TRIM35: variants seen among roughly 807,000 people sequenced by gnomAD.
TRIM35 encodes E3 ubiquitin-protein ligase TRIM35.
A neutral mutation model predicts 49.1 loss-of-function variants in TRIM35; 37 were observed. The observed-to-expected ratio is 0.75, with a 90% CI of 0.58 to 0.99. The LOEUF (loss-of-function observed/expected upper bound fraction) is 0.99. Among genes scored for constraint, TRIM35 ranks in the 50% least tolerant of loss-of-function variants. TRIM35 has a pLI of 0.00. For synonymous variants in TRIM35, 302 were observed against 289.3 expected (o/e 1.04, Z -0.45); for missense variants, 648 against 702.7 (o/e 0.92, Z 0.88).
At chr8:27,294,392 G>T (rs1052069461) in intron 2 of TRIM35, 82 bp from the exon 3 acceptor site, 2 of 1,306,312 alleles carry the variant, frequency 1.5e-6, no homozygotes, top group East Asian at 2.5e-5. Context: ...TTTTAGCAAA[G>T]GAAATTTATG....
chr8:27,310,387 C>T (rs78364579), intron 1 of TRIM35, among the ~76,000 whole-genome samples: 1 of 152,206 alleles, frequency 6.6e-6, no homozygotes, highest in Admixed American at 6.5e-5. Flanking sequence ...AGACTCCACA[C>T]CCCTGGCCAG....
intron 1 of TRIM35, among the ~76,000 whole-genome samples, chr8:27,306,329 C>CTTTTTTTTTTTTTTTTTTCT (rs35352785): frequency 7.1e-6 from 1 of 141,762 alleles, no homozygotes; most frequent in African/African-American, 2.6e-5. Context: ...TTTTTTCTTT[C>CTTTTTTTTTTTTTTTTTTCT]TTTTTTTTTT....
Position 27,287,229 on chromosome 8 carries a change from A to T in TRIM35, c.*321T>A. 1 of 299,130 alleles carries T rather than the reference A, an allele frequency of 3.3e-6. No individual in the cohort carries two copies. Among genetic ancestry groups the T allele is most frequent in the Non-Finnish European group, 6.3e-6 (1 of 159,408 alleles). 18.5% of individuals were successfully genotyped at this position (299,130 alleles called of 1,614,324 possible). A position where few individuals can be genotyped will look rare whatever the true frequency, so the allele number is the denominator to read the frequency against. On this transcript the variant is annotated 3_prime_UTR_variant, in exon 6 of 6. Transcript: ENST00000305364. This position sits in a 1 kb window ranked among gnomAD's most constrained non-coding sequence, Gnocchi z 6.0. ...TTACCACACCTCGATGAGATGGTTT[A>T]CAACAGGCCCATTCTAGAAGTAAAC... is the stretch of plus-strand genomic sequence containing the variant.
At chr8:27,295,457 C>A (rs1182782167) in intron 2 of TRIM35, among the ~76,000 whole-genome samples, 1 of 152,086 alleles carries the variant, frequency 6.6e-6, no homozygotes, top group African/African-American at 2.4e-5. Flanking sequence ...GGGTTACATC[C>A]CAATAAACCC....
intron 1 of TRIM35, among the ~76,000 whole-genome samples, chr8:27,306,083 T>C (rs1802778367): frequency 6.6e-6 from 1 of 151,162 alleles, no homozygotes; most frequent in Non-Finnish European, 1.5e-5. Context: ...AGCACTGGGA[T>C]TACAGGCATG....
intron 1 of TRIM35, among the ~76,000 whole-genome samples, chr8:27,308,758 G>C (rs1309980072): frequency 6.6e-6 from 1 of 152,152 alleles, no homozygotes; most frequent in African/African-American, 2.4e-5. Context: ...ATCCATTTGG[G>C]ACTAGACTAC....
intron 2 of TRIM35, 104 bp downstream of exon 2, chr8:27,298,360 C>T: frequency 2.8e-6 from 3 of 1,068,500 alleles, no homozygotes; most frequent in Non-Finnish European, 2.8e-6. Context: ...CGACCTCTAC[C>T]CAGCGGGTTA....
chr8:27,296,239 G>A (rs1802563544), intron 2 of TRIM35, among the ~76,000 whole-genome samples: 1 of 151,190 alleles, frequency 6.6e-6, no homozygotes, highest in Non-Finnish European at 1.5e-5. Flanking sequence ...TGTGCGCCAT[G>A]GTGGTCTGCT....
rs1802925890 is a variant in TRIM35, at chr8:27,310,888, C to T, written c.348G>A (p.Lys116=). ...GQLSLFCLED[K]ELLCCSCQAD... ...CCTGGCAGGAGCAGCACAGCAGCTC[C>T]TTGTCCTCGAGGCAGAAGAGGCTGA... Residue 116 remains lysine (K), a synonymous_variant, in exon 1 of 6, where the codon AAG becomes AAA. Transcript: ENST00000305364. 1 of 1,612,988 alleles carries T rather than the reference C, an allele frequency of 6.2e-7. No homozygotes were observed. Among genetic ancestry groups the T allele is most frequent in the East Asian group, 2.2e-5 (1 of 44,874 alleles).
chr8:27,298,979 T>C (rs1044224240), intron 1 of TRIM35, among the ~76,000 whole-genome samples: 1 of 152,150 alleles, frequency 6.6e-6, no homozygotes, highest in African/African-American at 2.4e-5. Flanking sequence ...CTAAACTGAA[T>C]GGGTCTGCAA....
chr8:27,311,173 G>T lies in TRIM35; in HGVS notation c.63C>A (p.Cys21Ter), dbSNP rs1331465362. ...PSRSFKEELLCAVCYDPFRDA... is the reference protein window; with the variant it reads ...PSRSFKEELL ...CGCGGAAGGGGTCGTAGCAGACGGC[G>T]CAGAGCAACTCCTCCTTGAAGGAGC... Residue 21 changes from cysteine to a stop codon, truncating the protein, a stop_gained, in exon 1 of 6, where the codon TGC becomes TGA. Coordinates refer to ENST00000305364, the MANE Select transcript of TRIM35 (RefSeq NM_171982.5). LOFTEE classifies it high-confidence loss of function. The T allele has an allele frequency of 6.2e-7, 1 of 1,606,988 alleles. No individual in the cohort carries two copies. The highest frequency in any genetic ancestry group is 8.5e-7 in the Non-Finnish European group (1 of 1,177,564).
chr8:27,297,034 A>T (rs1159748293), intron 2 of TRIM35, among the ~76,000 whole-genome samples: 5 of 151,958 alleles, frequency 3.3e-5, no homozygotes, highest in Non-Finnish European at 5.9e-5. Context: ...GGGTTGAGGG[A>T]TTTGCTGGGG....
chr8:27,310,849 G>C lies in TRIM35; in HGVS notation c.387C>G (p.His129Gln). Residue 129 changes from histidine (H) to glutamine (Q), a missense_variant, in exon 1 of 6, where the codon CAC (histidine) becomes CAG (glutamine). Coordinates refer to ENST00000305364, the MANE Select transcript of TRIM35 (RefSeq NM_171982.5). Reference protein sequence around the residue: ...LCCSCQADPRHQGHRVQPVKD... With the variant: ...LCCSCQADPRQQGHRVQPVKD... ...TCACCGGCTGCACGCGGTGCCCCTGGTGTCGGGGGTCGGCCTGGCAGGAGC... is the reference window on the plus strand; with the variant it reads ...TCACCGGCTGCACGCGGTGCCCCTGCTGTCGGGGGTCGGCCTGGCAGGAGC... 5 of 1,609,864 alleles carry C rather than the reference G, an allele frequency of 3.1e-6. No homozygotes were observed. The highest frequency in any genetic ancestry group is 4.2e-6 in the Non-Finnish European group (5 of 1,177,278).
intron 1 of TRIM35, among the ~76,000 whole-genome samples, chr8:27,306,545 C>T (rs1447443766): frequency 1.3e-5 from 2 of 151,956 alleles, no homozygotes; most frequent in Non-Finnish European, 1.5e-5. Flanking sequence ...AGGCTGGTCT[C>T]GAACTCCTGA....
rs182929025 is a variant in TRIM35, at chr8:27,306,179, C to T, written c.435+4622G>A. Among the ~76,000 whole-genome samples, 231 of 152,224 alleles carry T rather than the reference C, an allele frequency of 1.5e-3. 4 individuals are homozygous for T. The highest frequency in any genetic ancestry group is 0.014 in the Admixed American group (211 of 15,274). On this transcript the variant is annotated intron_variant, in intron 1 of 5. Transcript: ENST00000305364. Reference sequence around the variant, plus strand: ...TAACCATTCCATCACAATAGAATGACGCACGGTCTGTGTCTGAGGATGTTT... The same window carrying T: ...TAACCATTCCATCACAATAGAATGATGCACGGTCTGTGTCTGAGGATGTTT...
chr8:27,307,421 C>T (rs977559998), intron 1 of TRIM35, among the ~76,000 whole-genome samples: 12 of 152,158 alleles, frequency 7.9e-5, no homozygotes, highest in Non-Finnish European at 1.5e-4. Context: ...CTCCTTCCCA[C>T]ACCCCACCAA....
chr8:27,292,425 G>A (rs556593584), intron 3 of TRIM35, among the ~76,000 whole-genome samples: 24 of 152,156 alleles, frequency 1.6e-4, no homozygotes, highest in South Asian at 4.1e-4. Flanking sequence ...ACTAAGAAGT[G>A]CATGATTATA....
chr8:27,294,661 C>T (rs1802529768), intron 2 of TRIM35, among the ~76,000 whole-genome samples: 1 of 152,148 alleles, frequency 6.6e-6, no homozygotes, highest in South Asian at 2.1e-4. Flanking sequence ...AAATGAATGG[C>T]TGCGAATAGC....
In TRIM35 at chr8:27,308,610, GC is replaced by G. The variant is rs1802836239; in HGVS notation, c.435+2190del. ...TACATCTTGTCTATTGACTGTCTAT[GC>G]CCCCTGCTCAAATGAGAATTCCATG... On this transcript the variant is annotated intron_variant, in intron 1 of 5. Transcript: ENST00000305364. Among the ~76,000 whole-genome samples, 3 of 152,202 alleles carry G rather than the reference GC, an allele frequency of 2.0e-5. 1 individual carries two copies. The South Asian group carries it at 6.2e-4, about 32-fold the overall frequency.
Sources: allele counts gnomAD v4.1 joint callset (sites outside exome capture counted in the v4.1 genomes callset), GRCh38; gene constraint gnomAD v4.1.1; non-coding constraint Gnocchi (gnomAD v3.1); transcripts MANE v1.5; gene names NCBI Gene and HGNC (gene_info 2026-07-23, HGNC 2026-07-21).